Variants in FARS2 observed in about 807,000 individuals in gnomAD.
FARS2 encodes the protein phenylalanyl-tRNA synthetase 2, mitochondrial, also known as phenylalanine--tRNA ligase, mitochondrial.
In FARS2, 40 loss-of-function variants were observed where a neutral mutation model predicts 46.4. That is an observed-to-expected ratio of 0.86 (90% CI 0.67 to 1.12). FARS2 has a LOEUF of 1.12. Ranked by LOEUF, FARS2 falls within the 50% of genes most tolerant of loss-of-function variation. FARS2 has a pLI of 0.00. For missense variants in FARS2, 513 were observed against 567.9 expected (o/e 0.90, Z 0.98); for synonymous variants, 234 against 214.9 (o/e 1.09, Z -0.78).
intron 6 of FARS2, among the ~76,000 whole-genome samples, chr6:5,644,296 C>G (rs1258330295): frequency 6.6e-6 from 1 of 152,054 alleles, no homozygotes; most frequent in Non-Finnish European, 1.5e-5. Context: ...CACTGCAGCT[C>G]AAGCTCCCTG....
upstream of FARS2, chr6:5,260,601 C>T (rs889488702): frequency 1.1e-5 from 13 of 1,202,568 alleles, no homozygotes; most frequent in African/African-American, 1.8e-4. Context: ...CCCCCGGTCC[C>T]CGGCCCCTGG....
chr6:5,318,638 G>A (rs1462611520), intron 1 of FARS2, among the ~76,000 whole-genome samples: 1 of 152,210 alleles, frequency 6.6e-6, no homozygotes, highest in African/African-American at 2.4e-5. Flanking sequence ...ACGCTGCACA[G>A]AGTGGGAGTA....
At chr6:5,685,649 G>A (rs1009782718) in intron 6 of FARS2, among the ~76,000 whole-genome samples, 1 of 152,164 alleles carries the variant, frequency 6.6e-6, no homozygotes, top group African/African-American at 2.4e-5. Context: ...ACCTGGAGTA[G>A]ATAAAGCGTA....
At chr6:5,283,045 T>C (rs1366681325) in intron 1 of FARS2, among the ~76,000 whole-genome samples, 1 of 152,084 alleles carries the variant, frequency 6.6e-6, no homozygotes, top group South Asian at 2.1e-4. Flanking sequence ...AAGACCAGAC[T>C]GGCTGACATG....
At chr6:5,645,296 T>C (rs937968115) in intron 6 of FARS2, among the ~76,000 whole-genome samples, 4 of 152,240 alleles carry the variant, frequency 2.6e-5, no homozygotes, top group African/African-American at 9.6e-5. Context: ...AGGAAAAATT[T>C]GGCCAAGGCT....
At chr6:5,677,680 A>G (rs1021951076) in intron 6 of FARS2, among the ~76,000 whole-genome samples, 1 of 152,222 alleles carries the variant, frequency 6.6e-6, no homozygotes, top group African/African-American at 2.4e-5. Flanking sequence ...GGCTGTAGTC[A>G]AAGAGTCAAA....
At chr6:5,636,523 C>T (rs1336405974) in intron 6 of FARS2, among the ~76,000 whole-genome samples, 1 of 152,240 alleles carries the variant, frequency 6.6e-6, no homozygotes, top group Non-Finnish European at 1.5e-5. Context: ...TAGAGGTAGT[C>T]TTTCATTCCA....
chr6:5,426,883 C>T (rs1762886026), intron 3 of FARS2, among the ~76,000 whole-genome samples: 1 of 152,188 alleles, frequency 6.6e-6, no homozygotes. Flanking sequence ...GCCTCAGCCT[C>T]CTGAAGTACT....
At chr6:5,391,171 G>A (rs1242119131) in intron 2 of FARS2, among the ~76,000 whole-genome samples, 1 of 152,164 alleles carries the variant, frequency 6.6e-6, no homozygotes, top group Non-Finnish European at 1.5e-5. Context: ...TACTGAAGCT[G>A]AAGAGAGTGA....
At position 5,506,162 on chromosome 6, in the gene FARS2, G is replaced by A. The variant is rs576077913; in HGVS notation, c.905-39018G>A. 4.2e-3 allele frequency among the ~76,000 whole-genome samples: 637 copies of A among 152,258 alleles called. 3 individuals carry two copies. The highest frequency in any genetic ancestry group is 6.1e-3 in the Admixed American group (94 of 15,294). On this transcript the variant is annotated intron_variant, in intron 4 of 6. Coordinates refer to ENST00000274680, the MANE Select transcript of FARS2 (RefSeq NM_006567.5). ...CTCAGCTGTCCCAGTGGAGAGCAGG[G>A]CAAGAAAGCCTATTCCCAACTTCAA...
chr6:5,274,902 A>G (rs1766228491), intron 1 of FARS2, among the ~76,000 whole-genome samples: 1 of 152,146 alleles, frequency 6.6e-6, no homozygotes, highest in Non-Finnish European at 1.5e-5. Context: ...TTTTTGGTAG[A>G]AATGGGGTTT....
rs1761136614 is a variant in FARS2, at chr6:5,399,665, T to A, written c.613-4877T>A. 2.0e-5 allele frequency among the ~76,000 whole-genome samples: 3 copies of A among 152,190 alleles called. No homozygotes were observed. In the South Asian group the frequency reaches 6.2e-4, roughly 31 times the overall value. Reference sequence around the variant, plus strand: ...TTATTTCTAGCCTATCCTTCCTTTTTTTCACAAATGAGATGATTCATGTGT... The same window carrying A: ...TTATTTCTAGCCTATCCTTCCTTTTATTCACAAATGAGATGATTCATGTGT... On this transcript the variant is annotated intron_variant, in intron 2 of 6. Coordinates refer to ENST00000274680, the MANE Select transcript of FARS2 (RefSeq NM_006567.5).
intron 4 of FARS2, among the ~76,000 whole-genome samples, chr6:5,464,782 A>C (rs1765426067): frequency 6.6e-6 from 1 of 152,174 alleles, no homozygotes; most frequent in African/African-American, 2.4e-5. Context: ...TATCTCTTAC[A>C]GGGTTAAAGA....
At chr6:5,457,115 C>G (rs939871356) in intron 4 of FARS2, 1 of 152,452 alleles carries the variant, frequency 6.6e-6, no homozygotes, top group African/African-American at 2.4e-5. Context: ...ATGTCCACGT[C>G]AGTGGGCAAG....
chr6:5,424,277 T>C (rs1275075626), intron 3 of FARS2, among the ~76,000 whole-genome samples: 2 of 152,168 alleles, frequency 1.3e-5, no homozygotes, highest in Non-Finnish European at 2.9e-5. Context: ...ACAACACCTA[T>C]CGAGGGCGTT....
At chr6:5,767,786 C>T (rs1762829344) in intron 6 of FARS2, among the ~76,000 whole-genome samples, 1 of 152,188 alleles carries the variant, frequency 6.6e-6, no homozygotes, top group African/African-American at 2.4e-5. Context: ...TTTGCTGCTG[C>T]TGCGCTGTTA....
chr6:5,500,774 C>G (rs1226140899), intron 4 of FARS2, among the ~76,000 whole-genome samples: 1 of 151,690 alleles, frequency 6.6e-6, no homozygotes, highest in Non-Finnish European at 1.5e-5. Flanking sequence ...TAAAATGACA[C>G]TGGATAATTC....
chr6:5,328,944 C>G (rs953205300), intron 1 of FARS2, among the ~76,000 whole-genome samples: 3 of 152,068 alleles, frequency 2.0e-5, no homozygotes, highest in African/African-American at 7.2e-5. Context: ...CCTTGTAAAT[C>G]TTTGCCGGAG....
chr6:5,679,810 CT>C (rs200880230), intron 6 of FARS2, among the ~76,000 whole-genome samples: 1 of 146,252 alleles, frequency 6.8e-6, no homozygotes, highest in African/African-American at 2.8e-5. Flanking sequence ...AAACTCCTAT[CT>C]TTTTTGTCCT....
Sources: allele counts gnomAD v4.1 joint callset (sites outside exome capture counted in the v4.1 genomes callset), GRCh38; gene constraint gnomAD v4.1.1; transcripts MANE v1.5; gene names NCBI Gene and HGNC (gene_info 2026-07-23, HGNC 2026-07-21).